GABRG3: variants seen among roughly 807,000 people sequenced by gnomAD.
GABRG3 encodes gamma-aminobutyric acid receptor subunit gamma-3.
GABRG3 carries 25 observed loss-of-function variants against 48.8 expected under a neutral mutation model. The ratio of observed to expected loss-of-function variants is 0.51; its 90% CI spans 0.37 to 0.72. GABRG3 has a LOEUF of 0.72. Among genes scored for constraint, GABRG3 ranks in the 30% least tolerant of loss-of-function variants. GABRG3 has a pLI of 0.00. For missense variants in GABRG3, 394 were observed against 577.9 expected, an observed-to-expected ratio of 0.68 and a Z score of 3.26; for synonymous variants, 227 against 217.6, an observed-to-expected ratio of 1.04 and a Z score of -0.38.
intron 3 of GABRG3, among the ~76,000 whole-genome samples, chr15:27,039,104 G>T (rs1277826488): frequency 6.6e-6 from 1 of 152,228 alleles, no homozygotes; most frequent in Non-Finnish European, 1.5e-5. Flanking sequence ...GGGTCAGTGG[G>T]TGTAAAGTTA....
intron 3 of GABRG3, among the ~76,000 whole-genome samples, chr15:27,270,029 C>G (rs886882874): frequency 2.2e-4 from 34 of 152,168 alleles, no homozygotes; most frequent in Middle Eastern, 3.4e-3. Flanking sequence ...AAGTGATTCC[C>G]TTTCTACCCA....
At chr15:27,173,667 G>A (rs1391035110) in intron 3 of GABRG3, among the ~76,000 whole-genome samples, 1 of 149,924 alleles carries the variant, frequency 6.7e-6, no homozygotes, top group African/African-American at 2.5e-5. Flanking sequence ...AAAGAGTTCA[G>A]GAGAAGCCTG....
chr15:26,991,551 C>T (rs1895248095), intron 2 of GABRG3, among the ~76,000 whole-genome samples: 1 of 152,076 alleles, frequency 6.6e-6, no homozygotes, highest in South Asian at 2.1e-4. Flanking sequence ...TTCTTCCAAT[C>T]CATGAACATA....
At chr15:27,467,662 GGATAA>G (rs1325223467) in intron 5 of GABRG3, among the ~76,000 whole-genome samples, 2 of 152,128 alleles carry the variant, frequency 1.3e-5, no homozygotes, top group African/African-American at 4.8e-5. Flanking sequence ...TATTTTTTAT[GGATAA>G]AAGAGTGCAA....
intron 3 of GABRG3, among the ~76,000 whole-genome samples, chr15:27,281,053 T>G (rs550928533): frequency 6.6e-6 from 1 of 152,300 alleles, no homozygotes; most frequent in South Asian, 2.1e-4. Flanking sequence ...ATAGTTTGAC[T>G]ATTTTATTCT....
chr15:27,224,802 A>G (rs1349352392), intron 3 of GABRG3, among the ~76,000 whole-genome samples: 2 of 152,228 alleles, frequency 1.3e-5, no homozygotes, highest in East Asian at 1.9e-4. Flanking sequence ...TATTCCATCT[A>G]TCATTCTGGC....
intron 6 of GABRG3, among the ~76,000 whole-genome samples, chr15:27,501,014 C>T (rs891090360): frequency 8.9e-5 from 13 of 145,408 alleles, no homozygotes; most frequent in African/African-American, 2.6e-4. Context: ...TGCAGTGGCG[C>T]GATCTCGGCT....
At chr15:26,990,304 G>A (rs1018843251) in intron 2 of GABRG3, among the ~76,000 whole-genome samples, 1 of 152,068 alleles carries the variant, frequency 6.6e-6, no homozygotes, top group African/African-American at 2.4e-5. Context: ...TTGACTTTTG[G>A]ATAAAAGCCA....
rs923565329 is a variant in GABRG3 at position 26,976,087 on chromosome 15, C to T, written c.54-915C>T. ...GTACAAGTGTGTGCCAATTATAAAC[C>T]AAACATTTTTTAAAAAACCCAAAAC... On this transcript the variant is annotated intron_variant, in intron 1 of 9. Transcript: ENST00000615808. The surrounding 1 kb of genome is among the most constrained non-coding windows in gnomAD (Gnocchi z 7.8). Among the ~76,000 whole-genome samples, 2 of 151,024 alleles carry T rather than the reference C, an allele frequency of 1.3e-5. No homozygotes were observed. The highest frequency in any genetic ancestry group is 1.5e-5 in the Non-Finnish European group (1 of 67,854).
At chr15:27,163,291 G>A (rs1207567307) in intron 3 of GABRG3, among the ~76,000 whole-genome samples, 1 of 152,090 alleles carries the variant, frequency 6.6e-6, no homozygotes, top group Non-Finnish European at 1.5e-5. Flanking sequence ...CTTGAGGGCA[G>A]GACTTGTGTT....
chr15:27,525,629 CACAA>C (rs1388065283), intron 7 of GABRG3, among the ~76,000 whole-genome samples: 2 of 152,164 alleles, frequency 1.3e-5, no homozygotes, highest in African/African-American at 4.8e-5. Flanking sequence ...AAATTACAGA[CACAA>C]ACAGTTTGTA....
At chr15:27,283,827 A>G (rs930716311) in intron 3 of GABRG3, among the ~76,000 whole-genome samples, 11 of 152,154 alleles carry the variant, frequency 7.2e-5, no homozygotes, top group Admixed American at 2.0e-4. Flanking sequence ...TCTTCTTCTT[A>G]CCTTTCAGGG....
intron 3 of GABRG3, among the ~76,000 whole-genome samples, chr15:27,216,042 C>T (rs1317094573): frequency 6.6e-6 from 1 of 152,178 alleles, no homozygotes; most frequent in Admixed American, 6.5e-5. Context: ...AACCTCCATG[C>T]TATCAAGGAG....
intron 3 of GABRG3, among the ~76,000 whole-genome samples, chr15:27,113,576 T>TG (rs1367992124): frequency 1.3e-5 from 2 of 152,226 alleles, no homozygotes; most frequent in African/African-American, 4.8e-5. Flanking sequence ...TAAAGGCCTC[T>TG]GCACAGTCAT....
At chr15:27,066,471 T>G (rs1896739427) in intron 3 of GABRG3, among the ~76,000 whole-genome samples, 1 of 152,170 alleles carries the variant, frequency 6.6e-6, no homozygotes, top group South Asian at 2.1e-4. Context: ...TTCAATGAGA[T>G]GCCAACACAT....
intron 3 of GABRG3, among the ~76,000 whole-genome samples, chr15:27,170,464 G>A (rs1887528035): frequency 6.6e-6 from 1 of 152,066 alleles, no homozygotes; most frequent in East Asian, 1.9e-4. Flanking sequence ...GTGAGGTAAA[G>A]CTTAAGAGTC....
chr15:27,318,634 T>C (rs1893314347), intron 3 of GABRG3, among the ~76,000 whole-genome samples: 1 of 152,042 alleles, frequency 6.6e-6, no homozygotes, highest in African/African-American at 2.4e-5. Flanking sequence ...TTACTGTTGT[T>C]TTGTTTTGTT....
At chr15:27,526,671 T>C (rs1595811995) in intron 7 of GABRG3, among the ~76,000 whole-genome samples, 1 of 152,224 alleles carries the variant, frequency 6.6e-6, no homozygotes, top group East Asian at 1.9e-4. Flanking sequence ...TCTGAATGTT[T>C]TCCACAATAT....
At chr15:27,308,720 A>G (rs79834106) in intron 3 of GABRG3, among the ~76,000 whole-genome samples, 6,437 of 149,126 alleles carry the variant, frequency 0.043, 444 homozygotes, top group African/African-American at 0.15. Flanking sequence ...TTATATGTAA[A>G]CATAATGTAA....
Sources: gnomAD v4.1 joint callset for allele counts (sites outside exome capture counted in the v4.1 genomes callset) on GRCh38, gnomAD v4.1.1 for gene constraint, Gnocchi (gnomAD v3.1) non-coding constraint, MANE v1.5 for transcripts, NCBI Gene and HGNC (gene_info 2026-07-23, HGNC 2026-07-21) for gene names.